Variants in MTFR1 observed in about 807,000 individuals in gnomAD.
MTFR1 encodes chondrocyte protein with a poly-proline region.
In MTFR1, 28 loss-of-function variants were observed where a neutral mutation model predicts 38.8. That is an observed-to-expected ratio of 0.72 (90% CI 0.53 to 0.99). The LOEUF is 0.99. Among genes scored for constraint, MTFR1 ranks in the 50% least tolerant of loss-of-function variants. MTFR1 has a pLI of 0.00. For synonymous variants in MTFR1, 145 were observed against 137.0 expected, an observed-to-expected ratio of 1.06 and a Z score of -0.41; for missense variants, 358 against 395.5, an observed-to-expected ratio of 0.91 and a Z score of 0.81.
At chr8:65,677,068 CTTTT>C (rs1166560010) in intron 2 of MTFR1, among the ~76,000 whole-genome samples, 1 of 100,106 alleles carries the variant, frequency 1.0e-5, no homozygotes, top group Non-Finnish European at 1.9e-5. Flanking sequence ...CTATTTCTCT[CTTTT>C]TTTTTTTTTT....
intron 2 of MTFR1, among the ~76,000 whole-genome samples, chr8:65,676,150 C>T (rs1419347574): frequency 2.0e-5 from 3 of 152,150 alleles, no homozygotes; most frequent in Non-Finnish European, 4.4e-5. Context: ...CTCCTTCCCC[C>T]TTCCCAACAC....
intron 2 of MTFR1, among the ~76,000 whole-genome samples, chr8:65,672,798 T>C (rs950914421): frequency 5.3e-5 from 8 of 152,238 alleles, no homozygotes; most frequent in African/African-American, 1.7e-4. Context: ...CAACTTCTGC[T>C]AGCTTCAACT....
At chr8:65,729,351 T>G in intron 3 of MTFR1, among the ~76,000 whole-genome samples, 1 of 148,998 alleles carries the variant, frequency 6.7e-6, no homozygotes, top group African/African-American at 2.5e-5. Flanking sequence ...ACAGTGAGTT[T>G]CGTTGGTGGT....
chr8:65,719,818 A>C (rs936393686), intron 3 of MTFR1: 1 of 314,004 alleles, frequency 3.2e-6, no homozygotes, highest in Non-Finnish European at 6.1e-6. Flanking sequence ...AACTCTGAGG[A>C]TACTCGGGCA....
chr8:65,651,919 G>C (rs1490568453), intron 1 of MTFR1, among the ~76,000 whole-genome samples: 1 of 151,482 alleles, frequency 6.6e-6, no homozygotes, highest in African/African-American at 2.4e-5. Context: ...GACTTTTCCA[G>C]TTCATGAACA....
chr8:65,655,426 A>G (rs1809228729), intron 1 of MTFR1, among the ~76,000 whole-genome samples: 2 of 152,186 alleles, frequency 1.3e-5, no homozygotes, highest in Non-Finnish European at 2.9e-5. Flanking sequence ...TGGACTGAAA[A>G]AATGACATAT....
chr8:65,718,414 T>C (rs1157178999), intron 2 of MTFR1: 1 of 152,260 alleles, frequency 6.6e-6, no homozygotes, highest in African/African-American at 2.4e-5. Context: ...GCAAATACCC[T>C]GAGCTGATTA....
intron 3 of MTFR1, among the ~76,000 whole-genome samples, chr8:65,743,548 T>C (rs1183578568): frequency 6.6e-6 from 1 of 152,174 alleles, no homozygotes; most frequent in Admixed American, 6.6e-5. Flanking sequence ...CTGTCAACAC[T>C]GCATAAGCAA....
intron 1 of MTFR1, among the ~76,000 whole-genome samples, chr8:65,656,263 A>G (rs1180780310): frequency 6.6e-6 from 1 of 151,932 alleles, no homozygotes; most frequent in Non-Finnish European, 1.5e-5. Context: ...AAAGGAAAGT[A>G]GCGTTTACAC....
intron 3 of MTFR1, chr8:65,724,214 T>C (rs1347946785): frequency 1.6e-6 from 2 of 1,264,082 alleles, no homozygotes; most frequent in Non-Finnish European, 2.3e-6. Flanking sequence ...TAAAAAAAAA[T>C]GAACTGGATA....
At chr8:65,664,518 T>C (rs1210983204) in intron 1 of MTFR1, among the ~76,000 whole-genome samples, 1 of 151,312 alleles carries the variant, frequency 6.6e-6, no homozygotes, top group African/African-American at 2.4e-5. Flanking sequence ...TACAAAGGTA[T>C]ATACATATAT....
chr8:65,688,666 G>C (rs1417511250), intron 3 of MTFR1, among the ~76,000 whole-genome samples: 2 of 150,298 alleles, frequency 1.3e-5, no homozygotes, highest in Non-Finnish European at 3.0e-5. Context: ...GGATGGTCTC[G>C]ATCTCCTGAC....
chr8:65,696,463 G>T (rs901703011), intron 4 of MTFR1, among the ~76,000 whole-genome samples: 1 of 152,034 alleles, frequency 6.6e-6, no homozygotes, highest in South Asian at 2.1e-4. Context: ...TCACAGCAGG[G>T]TATTGATGTT....
intron 6 of MTFR1, 101 bp from the exon 7 acceptor site, chr8:65,707,742 G>A: frequency 2.1e-6 from 3 of 1,423,304 alleles, no homozygotes; most frequent in Non-Finnish European, 2.8e-6. Flanking sequence ...GAGTAGCTAT[G>A]ATGCTGGAGA....
chr8:65,671,521 T>C (rs993222600), intron 2 of MTFR1, among the ~76,000 whole-genome samples: 1 of 123,618 alleles, frequency 8.1e-6, no homozygotes, highest in African/African-American at 3.1e-5. Flanking sequence ...AGCAATAGAA[T>C]AGAGCAAGAC....
chr8:65,651,677 C>T (rs1372340844), intron 1 of MTFR1, among the ~76,000 whole-genome samples: 5 of 151,938 alleles, frequency 3.3e-5, no homozygotes, highest in Non-Finnish European at 7.4e-5. Flanking sequence ...TTTTATGCTA[C>T]GACCATGTTG....
At chr8:65,730,171 C>CTTCTTTTTTTTTTTTTTTTTTTTTTTTTT (rs1295965698) in intron 3 of MTFR1, among the ~76,000 whole-genome samples, 2 of 86,448 alleles carry the variant, frequency 2.3e-5, no homozygotes, top group African/African-American at 9.6e-5. Context: ...TTGCGCACTT[C>CTTCTTTTTTTTTTTTTTTTTTTTTTTTTT]TTTTTTTTTT....
At chr8:65,645,320 G>A (rs1808924460) in intron 1 of MTFR1, among the ~76,000 whole-genome samples, 1 of 152,232 alleles carries the variant, frequency 6.6e-6, no homozygotes, top group East Asian at 1.9e-4. Context: ...GTCGCTTTTC[G>A]CCTCCTAGAA....
chr8:65,645,696 C>T (rs1195595966), intron 1 of MTFR1, among the ~76,000 whole-genome samples: 1 of 127,462 alleles, frequency 7.8e-6, no homozygotes, highest in Non-Finnish European at 1.6e-5. Context: ...CGGCTTTCCC[C>T]CCCCCCCCCC....
Sources: allele counts gnomAD v4.1 joint callset (sites outside exome capture counted in the v4.1 genomes callset), GRCh38; gene constraint gnomAD v4.1.1; transcripts MANE v1.5; gene names NCBI Gene and HGNC (gene_info 2026-07-23, HGNC 2026-07-21).